Variants in TUNAR observed in about 807,000 individuals in gnomAD.
TUNAR encodes the protein protein TUNAR.
In TUNAR at chr14:95,893,350, T is replaced by G. The variant is rs1248940598; in HGVS notation, c.12+16173T>G. 2.6e-5 allele frequency among the ~76,000 whole-genome samples: 4 copies of G among 152,138 alleles called. No individual in the cohort carries two copies. The East Asian group carries it at 7.7e-4, about 29-fold the overall frequency. On this transcript the variant is annotated intron_variant, in intron 2 of 2. Coordinates refer to ENST00000678517, the Ensembl canonical transcript of TUNAR. ...AACCTGGAGCAACCTGACTGGGCAG[T>G]GCTGTCAGCAGACCCAAGAATACTG...
rs372722844 is a variant in TUNAR, at chr14:95,886,907, C to T, written c.12+9730C>T. ...GTTCATCTGTCTTCCCTCTTGGAAC[C>T]CAGGCCCAGAGCCAGGGGGCTGGGC... On this transcript the variant is annotated intron_variant, in intron 2 of 2. Coordinates refer to ENST00000678517, the Ensembl canonical transcript of TUNAR. Among the ~76,000 whole-genome samples, 25 of 152,296 alleles carry T rather than the reference C, an allele frequency of 1.6e-4. No individual in the cohort carries two copies. The East Asian group carries it at 1.9e-3, about 12-fold the overall frequency.
chr14:95,920,650 T>A (rs938436195), intron 2 of TUNAR, among the ~76,000 whole-genome samples: 1 of 152,200 alleles, frequency 6.6e-6, no homozygotes, highest in East Asian at 1.9e-4. Context: ...TCACATGTCC[T>A]GTCCTCCGGA....
At chr14:95,884,271 C>T (rs1219571976) in intron 2 of TUNAR, among the ~76,000 whole-genome samples, 2 of 152,082 alleles carry the variant, frequency 1.3e-5, no homozygotes, top group Non-Finnish European at 2.9e-5. Context: ...GGGCCCTGCA[C>T]GATCTGGCCC....
At chr14:95,894,083 G>A (rs1160799140) in intron 2 of TUNAR, among the ~76,000 whole-genome samples, 3 of 152,278 alleles carry the variant, frequency 2.0e-5, no homozygotes, top group Non-Finnish European at 4.4e-5. Flanking sequence ...TTCCAGAAGA[G>A]GGAAGAGGAG....
At chr14:95,879,830 G>A (rs111956745) in intron 2 of TUNAR, among the ~76,000 whole-genome samples, 78 of 152,198 alleles carry the variant, frequency 5.1e-4, no homozygotes, top group African/African-American at 1.8e-3. Flanking sequence ...GTTATGTATC[G>A]TAAGTAAATA....
At chr14:95,890,980 C>A (rs1346742921) in intron 2 of TUNAR, among the ~76,000 whole-genome samples, 2 of 152,134 alleles carry the variant, frequency 1.3e-5, no homozygotes, top group Non-Finnish European at 2.9e-5. Flanking sequence ...AATAATACAA[C>A]CCAGACAGCA....
At chr14:95,884,219 GC>G (rs1252603231) in intron 2 of TUNAR, among the ~76,000 whole-genome samples, 1 of 152,126 alleles carries the variant, frequency 6.6e-6, no homozygotes, top group Non-Finnish European at 1.5e-5. Flanking sequence ...GAGCTTCAGT[GC>G]CCCCTGTGCC....
chr14:95,913,113 C>A (rs1196710986), intron 2 of TUNAR, among the ~76,000 whole-genome samples: 1 of 150,740 alleles, frequency 6.6e-6, no homozygotes, highest in African/African-American at 2.4e-5. Flanking sequence ...TTTTTTACCT[C>A]ATGGTCTTTG....
At chr14:95,908,438 G>T (rs564297535) in intron 2 of TUNAR, among the ~76,000 whole-genome samples, 1 of 152,206 alleles carries the variant, frequency 6.6e-6, no homozygotes, top group Non-Finnish European at 1.5e-5. Flanking sequence ...CAGGCAAAGT[G>T]CGTCCTCCCA....
At chr14:95,879,645 G>T (rs538224239) in intron 2 of TUNAR, among the ~76,000 whole-genome samples, 39 of 149,736 alleles carry the variant, frequency 2.6e-4, no homozygotes, top group Non-Finnish European at 5.0e-4. Flanking sequence ...TTTTCTCCCC[G>T]TGTGAAAATA....
chr14:95,888,231 T>C (rs1889109425), intron 2 of TUNAR, among the ~76,000 whole-genome samples: 1 of 152,252 alleles, frequency 6.6e-6, no homozygotes, highest in Non-Finnish European at 1.5e-5. Flanking sequence ...TAATATTTGC[T>C]GGGTGCTTAC....
intron 2 of TUNAR, among the ~76,000 whole-genome samples, chr14:95,893,714 C>A (rs895528295): frequency 1.3e-5 from 2 of 152,220 alleles, no homozygotes; most frequent in Non-Finnish European, 2.9e-5. Flanking sequence ...ATGAGAATAA[C>A]CTTCCCAGGA....
chr14:95,904,838 C>T (rs1242247798), intron 2 of TUNAR, among the ~76,000 whole-genome samples: 1 of 152,230 alleles, frequency 6.6e-6, no homozygotes, highest in African/African-American at 2.4e-5. Context: ...CTCTTCCCCT[C>T]AGGACGCTAG....
chr14:95,898,602 A>C (rs1337495354), intron 2 of TUNAR, among the ~76,000 whole-genome samples: 1 of 151,364 alleles, frequency 6.6e-6, no homozygotes, highest in Non-Finnish European at 1.5e-5. Flanking sequence ...TGTTGACTTC[A>C]TTTTCTGGTT....
chr14:95,893,169 A>T (rs951180585), intron 2 of TUNAR, among the ~76,000 whole-genome samples: 5 of 152,112 alleles, frequency 3.3e-5, no homozygotes, highest in Non-Finnish European at 5.9e-5. Flanking sequence ...CCTGCCAAGG[A>T]CTAGTGGAAA....
At chr14:95,910,284 G>C (rs941780) in intron 2 of TUNAR, among the ~76,000 whole-genome samples, 15,583 of 152,226 alleles carry the variant, frequency 0.1, 949 homozygotes, top group South Asian at 0.22. Context: ...GGTGGAGGTG[G>C]GCAGATCACT....
At chr14:95,902,240 G>A (rs1189237120) in intron 2 of TUNAR, among the ~76,000 whole-genome samples, 1 of 151,910 alleles carries the variant, frequency 6.6e-6, no homozygotes, top group Admixed American at 6.5e-5. Flanking sequence ...GACAAGTATT[G>A]GATCAAAATT....
intron 2 of TUNAR, among the ~76,000 whole-genome samples, chr14:95,898,917 A>G (rs896033964): frequency 5.3e-5 from 8 of 152,090 alleles, no homozygotes; most frequent in African/African-American, 1.9e-4. Context: ...CTGTTGTGAG[A>G]TTGTTCTTTG....
chr14:95,910,450 T>C (rs1193647349), intron 2 of TUNAR, among the ~76,000 whole-genome samples: 2 of 152,248 alleles, frequency 1.3e-5, no homozygotes, highest in Non-Finnish European at 2.9e-5. Context: ...TTAGTAGCTA[T>C]GACGTTTATC....
Sources: allele counts gnomAD v4.1 joint callset (sites outside exome capture counted in the v4.1 genomes callset), GRCh38; gene constraint gnomAD v4.1.1; transcripts MANE v1.5; gene names NCBI Gene and HGNC (gene_info 2026-07-23, HGNC 2026-07-21).